NAALADL2: variants seen among roughly 807,000 people sequenced by gnomAD.
NAALADL2 encodes the protein inactive N-acetylated-alpha-linked acidic dipeptidase-like protein 2.
NAALADL2 carries 76 observed loss-of-function variants against 87.2 expected under a neutral mutation model. The ratio of observed to expected loss-of-function variants is 0.87; its 90% CI spans 0.72 to 1.05. The LOEUF is 1.05. NAALADL2 is among the 50% of genes least tolerant of loss of function. The probability of loss-of-function intolerance (pLI) is 0.00; values close to 1 mark genes in which losing one functional copy is unlikely to be tolerated. For synonymous variants in NAALADL2, 354 were observed against 331.0 expected, an observed-to-expected ratio of 1.07 and a Z score of -0.75; for missense variants, 1,089 against 945.8, an observed-to-expected ratio of 1.15 and a Z score of -1.99.
intron 5 of NAALADL2, among the ~76,000 whole-genome samples, chr3:175,371,031 C>T (rs551676911): frequency 2.0e-5 from 3 of 152,028 alleles, no homozygotes; most frequent in East Asian, 3.9e-4. Flanking sequence ...CCATGTCTGC[C>T]GTTATAGGAT....
intron 11 of NAALADL2, among the ~76,000 whole-genome samples, chr3:175,670,467 T>A (rs1009505170): frequency 7.3e-6 from 1 of 136,664 alleles, no homozygotes; most frequent in Admixed American, 7.1e-5. Context: ...TTTAATATAT[T>A]TATATTAAAT....
intron 1 of NAALADL2, among the ~76,000 whole-genome samples, chr3:174,983,274 G>C (rs1036176603): frequency 2.6e-4 from 39 of 152,126 alleles, no homozygotes; most frequent in Non-Finnish European, 1.5e-5. Flanking sequence ...AAACAGCTTA[G>C]GATGAGTTAT....
intron 11 of NAALADL2, among the ~76,000 whole-genome samples, chr3:175,721,942 C>T (rs1252564859): frequency 1.3e-5 from 2 of 151,978 alleles, no homozygotes; most frequent in Non-Finnish European, 2.9e-5. Flanking sequence ...TAGCTCACTA[C>T]CATTTGCATA....
At chr3:174,454,317 G>A (rs1196613939) in intron 1 of NAALADL2, among the ~76,000 whole-genome samples, 1 of 152,046 alleles carries the variant, frequency 6.6e-6, no homozygotes, top group Non-Finnish European at 1.5e-5. Context: ...CTCACTCACA[G>A]TATTATATAG....
chr3:175,606,213 G>A (rs1195978609), intron 10 of NAALADL2, among the ~76,000 whole-genome samples: 2 of 152,064 alleles, frequency 1.3e-5, no homozygotes, highest in African/African-American at 2.4e-5. Flanking sequence ...AGAAATGAAG[G>A]TTTCATGCCC....
intron 1 of NAALADL2, among the ~76,000 whole-genome samples, chr3:174,862,799 T>A (rs1183081386): frequency 6.6e-6 from 1 of 152,184 alleles, no homozygotes; most frequent in East Asian, 1.9e-4. Flanking sequence ...TTGGCACTCG[T>A]GCTGCCTACC....
At chr3:175,433,756 T>C (rs1030083303) in intron 5 of NAALADL2, among the ~76,000 whole-genome samples, 2 of 152,034 alleles carry the variant, frequency 1.3e-5, no homozygotes, top group Non-Finnish European at 2.9e-5. Context: ...CGAAGAAATG[T>C]ACATCCAAAA....
chr3:175,501,808 T>C (rs888932276), intron 9 of NAALADL2, among the ~76,000 whole-genome samples: 38 of 152,184 alleles, frequency 2.5e-4, no homozygotes, highest in Non-Finnish European at 5.0e-4. Flanking sequence ...ATGCTAAATA[T>C]AAAAAATTAA....
chr3:175,290,573 G>A (rs60123988), intron 4 of NAALADL2, among the ~76,000 whole-genome samples: 57,173 of 151,536 alleles, frequency 0.38, 11,625 homozygotes, highest in African/African-American at 0.54. Context: ...TGAAATTTAT[G>A]CCTTGAAACT....
At chr3:175,559,234 T>C (rs1193546378) in intron 9 of NAALADL2, among the ~76,000 whole-genome samples, 2 of 152,138 alleles carry the variant, frequency 1.3e-5, no homozygotes, top group East Asian at 3.8e-4. Context: ...TTGTTTGCTG[T>C]TGGCATATAG....
intron 10 of NAALADL2, among the ~76,000 whole-genome samples, chr3:175,610,206 T>C (rs559642795): frequency 3.3e-5 from 5 of 152,272 alleles, no homozygotes; most frequent in East Asian, 1.9e-4. Context: ...CCTATGTAAG[T>C]AGATTTTTCT....
intron 11 of NAALADL2, among the ~76,000 whole-genome samples, chr3:175,708,332 G>A (rs544645611): frequency 1.3e-5 from 2 of 152,158 alleles, no homozygotes; most frequent in South Asian, 4.1e-4. Flanking sequence ...TTAGAGAGTG[G>A]CAAGAATGAG....
chr3:175,767,966 C>T (rs1157006242), intron 13 of NAALADL2, among the ~76,000 whole-genome samples: 2 of 152,210 alleles, frequency 1.3e-5, no homozygotes, highest in Non-Finnish European at 2.9e-5. Flanking sequence ...TTTTACTGCA[C>T]TTCGAAAAAT....
At chr3:175,450,854 C>T (rs1721457890) in intron 6 of NAALADL2, among the ~76,000 whole-genome samples, 1 of 152,156 alleles carries the variant, frequency 6.6e-6, no homozygotes, top group Non-Finnish European at 1.5e-5. Flanking sequence ...AGTTTACAAA[C>T]TTTAAGTAAT....
chr3:175,132,683 A>T, intron 2 of NAALADL2, among the ~76,000 whole-genome samples: 1 of 121,564 alleles, frequency 8.2e-6, no homozygotes, highest in Non-Finnish European at 1.7e-5. Context: ...TCCCTCCCGG[A>T]CGGGGCAGCT....
chr3:174,725,087 AC>A (rs1337999294), intron 2 of NAALADL2, among the ~76,000 whole-genome samples: 5 of 152,056 alleles, frequency 3.3e-5, no homozygotes, highest in Admixed American at 6.6e-5. Flanking sequence ...ATGTTTCCTC[AC>A]CCCCCAAAGG....
chr3:174,531,850 TG>T (rs1246894927), intron 1 of NAALADL2, among the ~76,000 whole-genome samples: 12 of 152,300 alleles, frequency 7.9e-5, no homozygotes, highest in African/African-American at 2.9e-4. Flanking sequence ...GAAATACCAG[TG>T]GTTCATAAGA....
chr3:175,124,796 G>A (rs1418211456), intron 2 of NAALADL2, among the ~76,000 whole-genome samples: 1 of 152,012 alleles, frequency 6.6e-6, no homozygotes, highest in Non-Finnish European at 1.5e-5. Context: ...AAGAAAGATA[G>A]CTATTTGGTG....
chr3:175,349,073 G>A (rs1033098646), intron 5 of NAALADL2, among the ~76,000 whole-genome samples: 36 of 151,978 alleles, frequency 2.4e-4, no homozygotes, highest in African/African-American at 8.4e-4. Flanking sequence ...CTTTTGTGGG[G>A]GACATGTTGT....
Sources: allele counts gnomAD v4.1 joint callset (sites outside exome capture counted in the v4.1 genomes callset), GRCh38; gene constraint gnomAD v4.1.1; transcripts MANE v1.5; gene names NCBI Gene and HGNC (gene_info 2026-07-23, HGNC 2026-07-21).